Variants in GREB1L observed in about 807,000 individuals in gnomAD.
GREB1L encodes the protein GREB1 like retinoic acid receptor coactivator.
A neutral mutation model predicts 200.8 loss-of-function variants in GREB1L; 17 were observed. The observed-to-expected ratio is 0.08, with a 90% confidence interval of 0.06 to 0.13. The LOEUF is 0.13. Among genes scored for constraint, GREB1L ranks in the 10% least tolerant of loss-of-function variants. The pLI, the probability that GREB1L is intolerant of heterozygous loss-of-function variation, is 1.00. For synonymous variants in GREB1L, 789 were observed against 893.0 expected (o/e 0.88, Z 2.08); for missense variants, 1,657 against 2,367.7 (o/e 0.70, Z 6.23).
intron 5 of GREB1L, 99 bp downstream of exon 5, chr18:21,395,660 AT>A: frequency 1.2e-6 from 1 of 821,088 alleles, no homozygotes; most frequent in Non-Finnish European, 1.9e-6. Context: ...ATACCAGAGG[AT>A]TATTTGGGGA....
At chr18:21,487,871 C>A (rs1475463014) in intron 18 of GREB1L, among the ~76,000 whole-genome samples, 1 of 150,460 alleles carries the variant, frequency 6.6e-6, no homozygotes, top group Non-Finnish European at 1.5e-5. Flanking sequence ...ATTAGCCAGG[C>A]GTGGTGGCGG....
intron 1 of GREB1L, among the ~76,000 whole-genome samples, chr18:21,321,455 C>T (rs1343315095): frequency 3.3e-5 from 5 of 151,988 alleles, no homozygotes; most frequent in South Asian, 4.2e-4. Context: ...GAGGCTGAGG[C>T]GGGTGAATCA....
intron 31 of GREB1L, among the ~76,000 whole-genome samples, chr18:21,520,466 CAT>C (rs1425882576): frequency 6.6e-6 from 1 of 152,140 alleles, no homozygotes; most frequent in African/African-American, 2.4e-5. Context: ...TATTATGAAA[CAT>C]AAATAAGAGA....
intron 23 of GREB1L, 65 bp downstream of exon 23, chr18:21,500,707 G>C: frequency 2.5e-6 from 3 of 1,188,318 alleles, no homozygotes; most frequent in African/African-American, 3.1e-5. Context: ...TGCAAATCCC[G>C]GGAACTTGCT....
intron 4 of GREB1L, among the ~76,000 whole-genome samples, chr18:21,391,733 T>C (rs2040816549): frequency 6.6e-6 from 1 of 152,250 alleles, no homozygotes; most frequent in South Asian, 2.1e-4. Context: ...GATTTAAAAA[T>C]TAATTCTGTC....
chr18:21,348,106 G>A (rs1304101154), intron 1 of GREB1L, among the ~76,000 whole-genome samples: 5 of 151,442 alleles, frequency 3.3e-5, no homozygotes, highest in East Asian at 2.0e-4. Context: ...CACCATGCCC[G>A]GCTAATTTTT....
intron 1 of GREB1L, among the ~76,000 whole-genome samples, chr18:21,305,558 A>G (rs941195927): frequency 6.6e-6 from 1 of 151,992 alleles, no homozygotes; most frequent in Non-Finnish European, 1.5e-5. Context: ...TCATATTCTC[A>G]TTGTAGTTCC....
chr18:21,446,445 G>T (rs1183724894), intron 11 of GREB1L, among the ~76,000 whole-genome samples: 1 of 151,346 alleles, frequency 6.6e-6, no homozygotes, highest in African/African-American at 2.5e-5. Context: ...TAAAGAAAAA[G>T]AAAAGAAAAG....
At chr18:21,428,998 A>G (rs1391758457) in intron 7 of GREB1L, among the ~76,000 whole-genome samples, 1 of 151,978 alleles carries the variant, frequency 6.6e-6, no homozygotes, top group Non-Finnish European at 1.5e-5. Context: ...GATTACAGGC[A>G]TGAGCCACCG....
At chr18:21,460,587 G>A (rs1436158046) in intron 15 of GREB1L, among the ~76,000 whole-genome samples, 2 of 151,560 alleles carry the variant, frequency 1.3e-5, no homozygotes, top group Non-Finnish European at 2.9e-5. Context: ...TGATCCACCC[G>A]CCTCGGCCTC....
chr18:21,517,132 C>T (rs1036553169), intron 30 of GREB1L, among the ~76,000 whole-genome samples: 1 of 152,100 alleles, frequency 6.6e-6, no homozygotes, highest in Non-Finnish European at 1.5e-5. Context: ...CCTTGGCCTC[C>T]CAAAGTGCTG....
At chr18:21,400,462 C>T (rs2041270677) in intron 5 of GREB1L, among the ~76,000 whole-genome samples, 1 of 152,194 alleles carries the variant, frequency 6.6e-6, no homozygotes, top group African/African-American at 2.4e-5. Flanking sequence ...TAGAAGCTGA[C>T]AAAGCCCTGA....
At chr18:21,482,864 C>T (rs1163999148) in intron 17 of GREB1L, among the ~76,000 whole-genome samples, 3 of 151,864 alleles carry the variant, frequency 2.0e-5, no homozygotes, top group Non-Finnish European at 4.4e-5. Flanking sequence ...GGACATTCTC[C>T]CCCCAGAAAT....
At chr18:21,454,010 A>G (rs1296623660) in intron 14 of GREB1L, among the ~76,000 whole-genome samples, 1 of 152,216 alleles carries the variant, frequency 6.6e-6, no homozygotes, top group African/African-American at 2.4e-5. Context: ...AAAACTGGAA[A>G]TGCTACCCTT....
At chr18:21,514,130 C>A in intron 28 of GREB1L, 144 bp downstream of exon 28, 3 of 702,028 alleles carry the variant, frequency 4.3e-6, no homozygotes, top group Non-Finnish European at 6.9e-6. Context: ...CTCACTAGAA[C>A]ATTTTGTGGT....
intron 1 of GREB1L, among the ~76,000 whole-genome samples, chr18:21,310,646 T>TCTCAGATA (rs2038775691): frequency 6.6e-6 from 1 of 152,156 alleles, no homozygotes; most frequent in South Asian, 2.1e-4. Flanking sequence ...CCTGAAAGGA[T>TCTCAGATA]CTCAGATACC....
chr18:21,329,974 G>C (rs985647496), intron 1 of GREB1L, among the ~76,000 whole-genome samples: 22 of 150,414 alleles, frequency 1.5e-4, no homozygotes, highest in Admixed American at 4.6e-4. Flanking sequence ...TTTTTTGGGG[G>C]GGGGGGGTCT....
chr18:21,436,251 G>A (rs988972453), intron 7 of GREB1L, among the ~76,000 whole-genome samples: 3 of 152,104 alleles, frequency 2.0e-5, no homozygotes, highest in African/African-American at 7.2e-5. Context: ...CAGGACTGAT[G>A]GTATAGAGTA....
At chr18:21,250,798 C>CT (rs1300879563) in intron 1 of GREB1L, among the ~76,000 whole-genome samples, 12 of 152,158 alleles carry the variant, frequency 7.9e-5, no homozygotes. Context: ...ACAGTCTGTT[C>CT]TATTTTTTGG....
Sources: gnomAD v4.1 joint callset for allele counts (sites outside exome capture counted in the v4.1 genomes callset) on GRCh38, gnomAD v4.1.1 for gene constraint, MANE v1.5 for transcripts, NCBI Gene and HGNC (gene_info 2026-07-23, HGNC 2026-07-21) for gene names.